The following KLHL8 variants were observed in gnomAD, a reference collection of about 807,000 sequenced individuals.
KLHL8 encodes kelch like family member 8.
Under a neutral mutation model 63.5 loss-of-function variants are expected in KLHL8, and 38 were observed. That is an observed-to-expected ratio of 0.60 (90% confidence interval 0.46 to 0.78). The LOEUF (loss-of-function observed/expected upper bound fraction) is 0.78. Among genes scored for constraint, KLHL8 ranks in the 30% least tolerant of loss-of-function variants. The probability of loss-of-function intolerance (pLI) is 0.00; values close to 1 mark genes in which losing one functional copy is unlikely to be tolerated. For missense variants in KLHL8, 566 were observed against 752.4 expected (o/e 0.75, Z 2.90); for synonymous variants, 224 against 254.3 (o/e 0.88, Z 1.13).
At chr4:87,195,784 A>G (rs1014989379) in intron 1 of KLHL8, 94 bp from the exon 2 acceptor site, 14 of 333,314 alleles carry the variant, frequency 4.2e-5, no homozygotes, top group African/African-American at 1.5e-4. Context: ...CAAAATAACT[A>G]TATCAATCAT....
chr4:87,229,221 G>C (rs1033676486), intron 1 of KLHL8, among the ~76,000 whole-genome samples: 3 of 152,052 alleles, frequency 2.0e-5, no homozygotes, highest in Admixed American at 2.0e-4. Context: ...TGCCTACTTG[G>C]TAGAGGTACT....
intron 2 of KLHL8, among the ~76,000 whole-genome samples, chr4:87,190,165 C>T (rs1731426521): frequency 6.6e-6 from 1 of 151,768 alleles, no homozygotes; most frequent in Admixed American, 6.6e-5. Flanking sequence ...CTTTAACATT[C>T]ATCATTAGCA....
chr4:87,174,683 C>T (rs150311743), intron 6 of KLHL8, among the ~76,000 whole-genome samples: 10 of 152,236 alleles, frequency 6.6e-5, no homozygotes, highest in Non-Finnish European at 1.3e-4. Context: ...GACACAGAGA[C>T]AGAATTATTC....
At position 87,214,437 on chromosome 4, in the gene KLHL8, T is replaced by G. The variant is rs1276803875; in HGVS notation, c.-152+5981A>C. Among the ~76,000 whole-genome samples the G allele has an allele frequency of 8.3e-5, 7 of 84,612 alleles. 2 individuals are homozygous for G. Among genetic ancestry groups the G allele is most frequent in the African/African-American group, 2.2e-4 (7 of 31,300 alleles). 55.5% of individuals were successfully genotyped at this position (84,612 alleles called of 152,430 possible). Reference sequence around the variant, plus strand: ...ACAGATATATATATATATATATATATATATATATATATATATATATATAAT... The same window carrying G: ...ACAGATATATATATATATATATATAGATATATATATATATATATATATAAT... On this transcript the variant is annotated intron_variant, in intron 1 of 9. Coordinates refer to ENST00000273963, the MANE Select transcript of KLHL8 (RefSeq NM_020803.5).
chr4:87,180,774 G>A (rs1731019222), intron 4 of KLHL8, among the ~76,000 whole-genome samples: 1 of 152,094 alleles, frequency 6.6e-6, no homozygotes, highest in East Asian at 1.9e-4. Flanking sequence ...AAATTATGGT[G>A]GCTCACACCC....
intron 1 of KLHL8, among the ~76,000 whole-genome samples, chr4:87,214,459 T>C (rs866840725): frequency 1.9e-4 from 25 of 129,068 alleles, no homozygotes; most frequent in Admixed American, 6.5e-4. Context: ...TATATATATA[T>C]AATTGTCATC....
rs1016246462 is a variant in KLHL8, at chr4:87,170,554, T to C, written c.1270A>G (p.Asn424Asp). The C allele has an allele frequency of 2.0e-5, 32 of 1,614,074 alleles. No individual in the cohort carries two copies. Among genetic ancestry groups the C allele is most frequent in the Non-Finnish European group, 2.7e-5 (32 of 1,179,948 alleles). Residue 424 changes from asparagine to aspartate, a missense_variant, in exon 7 of 10, where the codon AAT becomes GAT. Transcript: ENST00000273963. ...CTCTCCACATCATTGAAGCAAGTAT[T>C]GTCATCTAACCCTCCAATTGCATAA... ...PIYAIGGLDD[N>D]TCFNDVERYD... is the part of the protein sequence containing the mutation.
At chr4:87,191,418 C>T (rs932831657) in intron 2 of KLHL8, among the ~76,000 whole-genome samples, 2 of 152,070 alleles carry the variant, frequency 1.3e-5, no homozygotes, top group Non-Finnish European at 1.5e-5. Context: ...CCCATGACTG[C>T]ATCACTGTAC....
At chr4:87,180,054 A>G (rs918863778) in intron 4 of KLHL8, among the ~76,000 whole-genome samples, 1 of 152,224 alleles carries the variant, frequency 6.6e-6, no homozygotes, top group Non-Finnish European at 1.5e-5. Context: ...CTTACAAGGT[A>G]AAACCTTATC....
chr4:87,165,893 C>T (rs954285199), intron 8 of KLHL8, among the ~76,000 whole-genome samples: 3 of 152,138 alleles, frequency 2.0e-5, no homozygotes, highest in Admixed American at 2.0e-4. Context: ...TTAAGTAGAA[C>T]CTGAATGACC....
chr4:87,199,878 GCTCACTCCTATAATCT>G (rs1019629557), intron 1 of KLHL8, among the ~76,000 whole-genome samples: 1 of 151,618 alleles, frequency 6.6e-6, no homozygotes, highest in Non-Finnish European at 1.5e-5. Flanking sequence ...AGGTGTGGTG[GCTCACTCCTATAATCT>G]CAACACTGGT....
intron 1 of KLHL8, chr4:87,208,141 C>A: frequency 2.4e-6 from 1 of 421,468 alleles, no homozygotes; most frequent in South Asian, 1.9e-5. Context: ...AGAGAGAGGT[C>A]GTCACTGCTG....
In KLHL8 at chr4:87,178,412, C is replaced by T. The variant is rs1553945050; in HGVS notation, c.1096+65G>A. On this transcript the variant is annotated intron_variant, in intron 5 of 9. Coordinates refer to ENST00000273963, the MANE Select transcript of KLHL8 (RefSeq NM_020803.5). The stretch of plus-strand genomic sequence containing the variant: ...ATTTTCTTATATAAAAATAAATTCT[C>T]AGAGTTGAAATATTTTAAAAAGAGC... 4.9e-6 allele frequency: 7 copies of T among 1,427,460 alleles called. No individual in the cohort carries two copies. The South Asian group carries it at 8.3e-5, about 17-fold the overall frequency. The allele number at this position is 1,427,460 out of a possible 1,614,324, so 88.4% of individuals were successfully genotyped here. A position where few individuals can be genotyped will look rare whatever the true frequency, so the allele number is the denominator to read the frequency against.
chr4:87,186,901 C>A (rs1363311190), intron 2 of KLHL8, among the ~76,000 whole-genome samples: 2 of 151,832 alleles, frequency 1.3e-5, no homozygotes, highest in Non-Finnish European at 2.9e-5. Context: ...GTAGTATTTA[C>A]TATGAGCTCA....
intron 1 of KLHL8, among the ~76,000 whole-genome samples, chr4:87,216,481 TTTTAA>T (rs1265817645): frequency 2.0e-5 from 3 of 152,182 alleles, no homozygotes; most frequent in Non-Finnish European, 2.9e-5. Context: ...CATGATGCTC[TTTTAA>T]TTTAATTTTT....
chr4:87,207,661 G>T, intron 1 of KLHL8: 1 of 1,158,088 alleles, frequency 8.6e-7, no homozygotes, highest in East Asian at 2.4e-5. Context: ...TGGCCCCTCT[G>T]GGAAACTGTG....
intron 4 of KLHL8, among the ~76,000 whole-genome samples, chr4:87,180,224 G>C (rs1183835142): frequency 1.3e-5 from 2 of 152,184 alleles, no homozygotes; most frequent in Non-Finnish European, 2.9e-5. Flanking sequence ...AAAATGATCT[G>C]TTATGCCAAC....
intron 8 of KLHL8, among the ~76,000 whole-genome samples, chr4:87,164,839 GATCA>G (rs1730311435): frequency 6.6e-6 from 1 of 152,086 alleles, no homozygotes; most frequent in Admixed American, 6.6e-5. Flanking sequence ...TTGATATTAT[GATCA>G]ATCTATATAA....
At chr4:87,205,991 T>G (rs535120445) in intron 1 of KLHL8, among the ~76,000 whole-genome samples, 7 of 152,170 alleles carry the variant, frequency 4.6e-5, no homozygotes, top group Non-Finnish European at 1.0e-4. Flanking sequence ...GGTCCTTATC[T>G]TCTCCCTCAC....
Sources: allele counts gnomAD v4.1 joint callset (sites outside exome capture counted in the v4.1 genomes callset), GRCh38; gene constraint gnomAD v4.1.1; transcripts MANE v1.5; gene names NCBI Gene and HGNC (gene_info 2026-07-23, HGNC 2026-07-21).